Variants in MTOR observed in about 807,000 individuals in gnomAD.
MTOR encodes serine/threonine-protein kinase mTOR.
A neutral mutation model predicts 319.8 loss-of-function variants in MTOR; 70 were observed. The observed-to-expected ratio is 0.22, with a 90% confidence interval of 0.18 to 0.27. The LOEUF (loss-of-function observed/expected upper bound fraction) is 0.27, where lower values mean the gene tolerates loss of function less well. Ranked by LOEUF, MTOR falls within the 10% of genes least tolerant of loss-of-function variation. MTOR has a pLI of 1.00. For missense variants in MTOR, 1,890 were observed against 3,274.4 expected (o/e 0.58, Z 10.32); for synonymous variants, 1,183 against 1,211.4 (o/e 0.98, Z 0.49).
chr1:11,177,775 C>T (rs1052974782), intron 28 of MTOR, among the ~76,000 whole-genome samples: 5 of 151,832 alleles, frequency 3.3e-5, no homozygotes, highest in African/African-American at 1.2e-4. Context: ...TTAGGAAGTG[C>T]GTGGGGGAAT....
rs12122575 is a variant in MTOR, at chr1:11,193,787, C to T, written c.4253+5471G>A. On this transcript the variant is annotated intron_variant, in intron 28 of 57. Transcript: ENST00000361445. ...TGTAGAGATGGAGGTAAGCACAAGG[C>T]CAGGGGCCCCATGACTGGACCAGTG... 0.037 allele frequency: 59,822 copies of T among 1,613,320 alleles called. 1,979 individuals carry two copies. The highest frequency in any genetic ancestry group is 0.11 in the South Asian group (10,222 of 91,008).
At chr1:11,156,179 G>A (rs1199109886) in intron 30 of MTOR, among the ~76,000 whole-genome samples, 4 of 151,998 alleles carry the variant, frequency 2.6e-5, no homozygotes, top group African/African-American at 4.8e-5. Flanking sequence ...TAGTGGAGAC[G>A]AGGTTTCGCC....
rs1422346372 is a variant in MTOR at position 11,115,402 on chromosome 1, G to A, written c.7083C>T (p.Cys2361=). ...GKILHIDFGD[C]FEVAMTREKF... is the part of the protein sequence containing the mutation. Reference sequence around the variant, plus strand: ...TTCTAGAACATGTGTTCACCTCAAAGCAGTCCCCAAAGTCAATGTGCAGGA... The same window carrying A: ...TTCTAGAACATGTGTTCACCTCAAAACAGTCCCCAAAGTCAATGTGCAGGA... Residue 2361 remains cysteine (C), a synonymous_variant, in exon 51 of 58, where the codon TGC becomes TGT. Coordinates refer to ENST00000361445, the MANE Select transcript of MTOR (RefSeq NM_004958.4). The surrounding 1 kb of genome is among the most constrained non-coding windows in gnomAD (Gnocchi z 4.5). The A allele has an allele frequency of 6.2e-7, 1 of 1,614,134 alleles. No homozygotes were observed.
intron 47 of MTOR, among the ~76,000 whole-genome samples, chr1:11,124,136 T>C (rs12757612): frequency 6.6e-6 from 1 of 152,110 alleles, no homozygotes; most frequent in African/African-American, 2.4e-5. Context: ...CTCTATGTTG[T>C]TTAGGCTGGT....
intron 31 of MTOR, among the ~76,000 whole-genome samples, chr1:11,148,576 C>T (rs1644020350): frequency 6.6e-6 from 1 of 151,974 alleles, no homozygotes; most frequent in South Asian, 2.1e-4. Flanking sequence ...ATGCAGGAAC[C>T]TAAAGAGACT....
intron 19 of MTOR, among the ~76,000 whole-genome samples, chr1:11,222,705 T>G (rs1646708162): frequency 6.6e-6 from 1 of 152,092 alleles, no homozygotes; most frequent in Non-Finnish European, 1.5e-5. Flanking sequence ...ATCACCATTT[T>G]GGGGCACATG....
rs1225271792 is a variant in MTOR, at chr1:11,126,799, G to A, written c.6352-3C>T. The A allele has an allele frequency of 6.2e-7, 1 of 1,612,534 alleles. No homozygotes were observed. Among genetic ancestry groups the A allele is most frequent in the Admixed American group, 1.7e-5 (1 of 59,742 alleles). On this transcript the variant is annotated splice_region_variant and splice_polypyrimidine_tract_variant and intron_variant, in intron 45 of 57. Transcript: ENST00000361445. ...TATTGCAGCTCTAAGGATGTGAGCT[G>A]TAAATAATTACCAAAGGATTTAGTG...
At chr1:11,126,380 C>T (rs1292888904) in intron 46 of MTOR, among the ~76,000 whole-genome samples, 1 of 152,210 alleles carries the variant, frequency 6.6e-6, no homozygotes, top group African/African-American at 2.4e-5. Flanking sequence ...GCCTTGCATG[C>T]CTTTGTCATT....
In MTOR at chr1:11,241,701, G is replaced by A; in HGVS notation, c.1413-20C>T. ...TGCCTCCTGTAGAGAAATGGAGAGT[G>A]GCTAGTTGAGACATAATGACATTCT... On this transcript the variant is annotated intron_variant, in intron 9 of 57. Transcript: ENST00000361445. 1 of 1,602,002 alleles carries A rather than the reference G, an allele frequency of 6.2e-7. No homozygotes were observed. Among genetic ancestry groups the A allele is most frequent in the Non-Finnish European group, 8.5e-7 (1 of 1,171,714 alleles).
chr1:11,215,368 T>C (rs1326072212), intron 20 of MTOR, among the ~76,000 whole-genome samples: 1 of 152,192 alleles, frequency 6.6e-6, no homozygotes. Context: ...AGGGAGGTTT[T>C]CAGTTCTGAG....
intron 49 of MTOR, among the ~76,000 whole-genome samples, chr1:11,117,575 T>A (rs1036715628): frequency 6.6e-6 from 1 of 152,152 alleles, no homozygotes; most frequent in Non-Finnish European, 1.5e-5. Context: ...TAATTAGAAA[T>A]GTGTTAGACT....
At chr1:11,224,053 T>C (rs1557444285) in intron 19 of MTOR, among the ~76,000 whole-genome samples, 1 of 143,244 alleles carries the variant, frequency 7.0e-6, no homozygotes, top group East Asian at 2.2e-4. Flanking sequence ...TAAAATAAAA[T>C]AAAATAAAAT....
intron 36 of MTOR, among the ~76,000 whole-genome samples, chr1:11,137,692 C>T (rs534679621): frequency 1.3e-5 from 2 of 152,174 alleles, no homozygotes; most frequent in Non-Finnish European, 2.9e-5. Context: ...TGGGCAAGAA[C>T]AATGGCCTTG....
intron 32 of MTOR, among the ~76,000 whole-genome samples, chr1:11,145,653 G>A (rs146105300): frequency 0.013 from 2,010 of 152,106 alleles, 29 homozygotes; most frequent in Non-Finnish European, 0.018. Context: ...ACAGGCGCCC[G>A]CCACCACGCC....
chr1:11,238,668 G>C, intron 11 of MTOR, 51 bp from the exon 12 acceptor site: 1 of 1,481,822 alleles, frequency 6.7e-7, no homozygotes, highest in Non-Finnish European at 9.2e-7. Flanking sequence ...GCTGTAGACA[G>C]GTAGGTCTGC....
At chr1:11,188,550 A>G (rs1645396716) in intron 28 of MTOR, among the ~76,000 whole-genome samples, 1 of 152,208 alleles carries the variant, frequency 6.6e-6, no homozygotes, top group South Asian at 2.1e-4. Flanking sequence ...TGTCCTGCCT[A>G]GAAACTGACA....
Position 11,106,986 on chromosome 1 carries a change from A to G in MTOR, c.*499T>C. ...ACATTTCTGCTGCTGTCCACAGACC[A>G]GTGAGGTCTTGGGATAGGTGGCAGG... On this transcript the variant is annotated 3_prime_UTR_variant, in exon 58 of 58. Coordinates refer to ENST00000361445, the MANE Select transcript of MTOR (RefSeq NM_004958.4). The G allele has an allele frequency of 7.3e-7, 1 of 1,370,766 alleles. No homozygotes were observed. Among genetic ancestry groups the G allele is most frequent in the Non-Finnish European group, 9.6e-7 (1 of 1,038,852 alleles). 84.9% of individuals were successfully genotyped at this position (1,370,766 alleles called of 1,614,324 possible).
At chr1:11,237,728 C>G (rs956041327) in intron 13 of MTOR, 115 bp downstream of exon 13, 1 of 1,150,192 alleles carries the variant, frequency 8.7e-7, no homozygotes, top group South Asian at 1.4e-5. Flanking sequence ...GCGGCTTTTA[C>G]CAGGTACCTC....
At chr1:11,218,362 G>A (rs921183816) in intron 19 of MTOR, among the ~76,000 whole-genome samples, 12 of 151,908 alleles carry the variant, frequency 7.9e-5, no homozygotes, top group African/African-American at 1.9e-4. Flanking sequence ...ACCGGAAGGC[G>A]GAGGTTGCAG....
Sources: allele counts gnomAD v4.1 joint callset (sites outside exome capture counted in the v4.1 genomes callset), GRCh38; gene constraint gnomAD v4.1.1; non-coding constraint Gnocchi (gnomAD v3.1); transcripts MANE v1.5; gene names NCBI Gene and HGNC (gene_info 2026-07-23, HGNC 2026-07-21).